ARHGAP29: variants seen among roughly 807,000 people sequenced by gnomAD.
ARHGAP29 encodes rho GTPase-activating protein 29.
ARHGAP29 carries 43 observed loss-of-function variants against 122.6 expected under a neutral mutation model. The ratio of observed to expected loss-of-function variants is 0.35; its 90% confidence interval spans 0.27 to 0.45. The LOEUF (loss-of-function observed/expected upper bound fraction) is 0.45, where lower values mean the gene tolerates loss of function less well. Among genes scored for constraint, ARHGAP29 ranks in the 20% least tolerant of loss-of-function variants. The pLI is 1.00. For synonymous variants in ARHGAP29, 506 were observed against 497.1 expected, an observed-to-expected ratio of 1.02 and a Z score of -0.24; for missense variants, 1,303 against 1,477.2, an observed-to-expected ratio of 0.88 and a Z score of 1.93.
chr1:94,275,427 TCTA>T (rs1655146546), upstream of ARHGAP29, among the ~76,000 whole-genome samples: 1 of 152,214 alleles, frequency 6.6e-6, no homozygotes, highest in Non-Finnish European at 1.5e-5. Flanking sequence ...ACTTTGTTGC[TCTA>T]ATATGTTGAA....
At chr1:94,196,502 C>T (rs1050400786) in intron 12 of ARHGAP29, among the ~76,000 whole-genome samples, 2 of 151,708 alleles carry the variant, frequency 1.3e-5, no homozygotes, top group African/African-American at 4.8e-5. Flanking sequence ...ACCTCGTGAT[C>T]CGCCCGCCTC....
chr1:94,213,011 T>C (rs1651739889), intron 3 of ARHGAP29, among the ~76,000 whole-genome samples: 1 of 152,172 alleles, frequency 6.6e-6, no homozygotes, highest in African/African-American at 2.4e-5. Context: ...CATTTTGCCA[T>C]ATTTCTCCTT....
chr1:94,177,730 C>G lies in ARHGAP29; in HGVS notation c.2797-10G>C. 6.3e-7 allele frequency: 1 copy of G among 1,598,352 alleles called. No individual in the cohort carries two copies. The highest frequency in any genetic ancestry group is 8.5e-7 in the Non-Finnish European group (1 of 1,172,674). On this transcript the variant is annotated splice_polypyrimidine_tract_variant and intron_variant, in intron 21 of 22. Coordinates refer to ENST00000260526, the MANE Select transcript of ARHGAP29 (RefSeq NM_004815.4). ...CTGAAGTATGGATATCCTGTTGATG[C>G]AAGATAATTTTTAAAATGGAAGAAG...
At chr1:94,275,307 A>G (rs1353529669), upstream of ARHGAP29, among the ~76,000 whole-genome samples, 2 of 152,190 alleles carry the variant, frequency 1.3e-5, no homozygotes, top group Non-Finnish European at 2.9e-5. Flanking sequence ...TCTTACTAAG[A>G]AGGAAGGGAA....
At chr1:94,309,009 C>T in the ARHGAP29 span, among the ~76,000 whole-genome samples, 2 of 152,200 alleles carry the variant, frequency 1.3e-5, no homozygotes, top group African/African-American at 4.8e-5. Flanking sequence ...TGCCTCCTTC[C>T]CCTCCTTCTC....
chr1:94,180,582 T>G (rs1440446382), intron 19 of ARHGAP29, among the ~76,000 whole-genome samples: 1 of 152,204 alleles, frequency 6.6e-6, no homozygotes, highest in Non-Finnish European at 1.5e-5. Context: ...CCTGATGTCC[T>G]ATTTTATCTG....
chr1:94,189,333 T>G lies in ARHGAP29; in HGVS notation c.1459A>C (p.Asn487His). Residue 487 changes from asparagine (N) to histidine (H), a missense_variant, in exon 14 of 23, where the codon AAT (asparagine) becomes CAT (histidine). By Grantham distance (68) the Asn-to-His change is moderately conservative. Coordinates refer to ENST00000260526, the MANE Select transcript of ARHGAP29 (RefSeq NM_004815.4). Reference protein sequence around the residue: ...KVDGNVNKHLNSSQPSGFGPA... With the variant: ...KVDGNVNKHLHSSQPSGFGPA... ...CCAAATCCTGAAGGTTGGGAACTATTTAAATGTTTATTTACATTTCTGAAA... is the reference window on the plus strand; with the variant it reads ...CCAAATCCTGAAGGTTGGGAACTATGTAAATGTTTATTTACATTTCTGAAA... 4 of 1,609,532 alleles carry G rather than the reference T, an allele frequency of 2.5e-6. No individual in the cohort carries two copies. The highest frequency in any genetic ancestry group is 2.5e-6 in the Non-Finnish European group (3 of 1,178,450).
At chr1:94,209,386 T>C (rs1316251414) in intron 3 of ARHGAP29, 36 bp from the exon 4 acceptor site, 14 of 1,272,510 alleles carry the variant, frequency 1.1e-5, no homozygotes, top group Admixed American at 4.2e-5. Flanking sequence ...AGGAAAAACA[T>C]ACTTTAAACT....
Position 94,184,125 on chromosome 1 carries a change from T to C in ARHGAP29, c.2247+26A>G, listed in dbSNP as rs374842783. On this transcript the variant is annotated intron_variant, in intron 19 of 22. Coordinates refer to ENST00000260526, the MANE Select transcript of ARHGAP29 (RefSeq NM_004815.4). ...ATTTTTGCTGTTTTTAATTTAATGG[T>C]GGGTTTCAAGGGTAAAAATTTTTAC... The C allele has an allele frequency of 1.9e-6, 3 of 1,591,370 alleles. No individual in the cohort carries two copies. In the African/African-American group the frequency reaches 4.1e-5, roughly 22 times the overall value.
At chr1:94,285,252 A>G in the ARHGAP29 span, among the ~76,000 whole-genome samples, 2 of 152,164 alleles carry the variant, frequency 1.3e-5, no homozygotes, top group African/African-American at 4.8e-5. Flanking sequence ...GGAACGAGGC[A>G]GTCATGAGTT....
chr1:94,207,943 T>G (rs944929222), intron 5 of ARHGAP29, among the ~76,000 whole-genome samples: 1 of 151,954 alleles, frequency 6.6e-6, no homozygotes. Flanking sequence ...TGGGCTCAAG[T>G]GAATCCCCCC....
chr1:94,192,878 T>A (rs942630026), intron 12 of ARHGAP29: 1 of 152,008 alleles, frequency 6.6e-6, no homozygotes, highest in African/African-American at 2.4e-5. Flanking sequence ...AAAGTAATGA[T>A]GAAAATATCT....
At chr1:94,288,828 G>T in the ARHGAP29 span, among the ~76,000 whole-genome samples, 4 of 152,144 alleles carry the variant, frequency 2.6e-5, no homozygotes, top group Non-Finnish European at 5.9e-5. Flanking sequence ...TGTTATTTCT[G>T]AGGGCTCTGT....
Position 94,204,851 on chromosome 1 carries a change from G to A in ARHGAP29, c.697+210C>T, listed in dbSNP as rs1013388866. ...TGAAGGCAGAGACAGTATTCTATTT[G>A]TCTTTGTGTCCCTAGGTCTAGTAGT... On this transcript the variant is annotated intron_variant, in intron 7 of 22. Coordinates refer to ENST00000260526, the MANE Select transcript of ARHGAP29 (RefSeq NM_004815.4). 2.0e-4 allele frequency among the ~76,000 whole-genome samples: 30 copies of A among 152,110 alleles called. 1 individual carries two copies. The highest frequency in any genetic ancestry group is 6.7e-4 in the African/African-American group (28 of 41,510).
intron 19 of ARHGAP29, among the ~76,000 whole-genome samples, chr1:94,183,788 C>T (rs1275333986): frequency 1.3e-5 from 2 of 152,068 alleles, no homozygotes; most frequent in Non-Finnish European, 2.9e-5. Flanking sequence ...CTTAACAATA[C>T]ATTGTTTAGG....
intron 1 of ARHGAP29, among the ~76,000 whole-genome samples, chr1:94,261,374 G>C (rs1301909406): frequency 2.0e-5 from 3 of 151,960 alleles, no homozygotes; most frequent in Non-Finnish European, 4.4e-5. Context: ...CACAAGTTTG[G>C]GTCTCATTTG....
At chr1:94,184,011 C>T in intron 19 of ARHGAP29, 140 bp downstream of exon 19, 1 of 853,842 alleles carries the variant, frequency 1.2e-6, no homozygotes, top group South Asian at 1.7e-5. Context: ...ATACTCTGAC[C>T]TATGCACTAA....
At chr1:94,219,706 C>T (rs1280138784) in intron 3 of ARHGAP29, among the ~76,000 whole-genome samples, 5 of 152,160 alleles carry the variant, frequency 3.3e-5, no homozygotes, top group Non-Finnish European at 5.9e-5. Context: ...CTTTGAATGG[C>T]AAGTCATTTC....
chr1:94,278,004 T>A (rs892433939), upstream of ARHGAP29, among the ~76,000 whole-genome samples: 2 of 152,224 alleles, frequency 1.3e-5, no homozygotes, highest in Non-Finnish European at 2.9e-5. Flanking sequence ...TTTGTTGGTA[T>A]ATTGGTCAGT....
Sources: gnomAD v4.1 joint callset for allele counts (sites outside exome capture counted in the v4.1 genomes callset) on GRCh38, gnomAD v4.1.1 for gene constraint, MANE v1.5 for transcripts, NCBI Gene and HGNC (gene_info 2026-07-23, HGNC 2026-07-21) for gene names.